The following GPHN variants were observed in gnomAD, a reference collection of about 807,000 sequenced individuals.
GPHN encodes the protein gephyrin.
GPHN carries 17 observed loss-of-function variants against 95.5 expected under a neutral mutation model. The observed-to-expected ratio is 0.18, with a 90% CI of 0.12 to 0.27. The LOEUF (loss-of-function observed/expected upper bound fraction) is 0.27, where lower values mean the gene tolerates loss of function less well. Among genes scored for constraint, GPHN ranks in the 10% least tolerant of loss-of-function variants. The pLI is 1.00. For missense variants in GPHN, 660 were observed against 978.1 expected (o/e 0.67, Z 4.34); for synonymous variants, 320 against 322.5 (o/e 0.99, Z 0.08).
At chr14:67,439,773 G>C in the GPHN span, among the ~76,000 whole-genome samples, 2 of 151,982 alleles carry the variant, frequency 1.3e-5, no homozygotes, top group Non-Finnish European at 2.9e-5. Context: ...GAGATTTTGA[G>C]GTTTTGTTCT....
At chr14:66,707,662 T>C (rs907631564) in intron 2 of GPHN, among the ~76,000 whole-genome samples, 1 of 152,156 alleles carries the variant, frequency 6.6e-6, no homozygotes, top group Non-Finnish European at 1.5e-5. Flanking sequence ...CCAGGGCCTG[T>C]TGGGCGGCGG....
At chr14:66,799,786 A>G (rs1268309464) in intron 3 of GPHN, among the ~76,000 whole-genome samples, 1 of 151,866 alleles carries the variant, frequency 6.6e-6, no homozygotes, top group East Asian at 1.9e-4. Flanking sequence ...TTTTTAATGG[A>G]AGCATTTAGT....
the GPHN span, among the ~76,000 whole-genome samples, chr14:67,709,689 A>T: frequency 6.6e-6 from 1 of 152,146 alleles, no homozygotes; most frequent in Admixed American, 6.6e-5. Context: ...GTTTATTTTG[A>T]TTGGCATCTT....
intron 4 of GPHN, among the ~76,000 whole-genome samples, chr14:66,836,383 T>A (rs1473554536): frequency 1.4e-5 from 2 of 144,958 alleles, no homozygotes; most frequent in African/African-American, 5.4e-5. Context: ...GAAAACTGGC[T>A]AGCCGTATGT....
At chr14:66,816,649 A>C (rs1254005412) in intron 3 of GPHN, among the ~76,000 whole-genome samples, 1 of 152,224 alleles carries the variant, frequency 6.6e-6, no homozygotes, top group African/African-American at 2.4e-5. Context: ...GACACAGATA[A>C]GGCAGTGTTA....
the GPHN span, chr14:67,381,462 A>T: frequency 4.3e-6 from 2 of 469,982 alleles, no homozygotes; most frequent in Non-Finnish European, 7.8e-6. Context: ...TAAATAAGGA[A>T]CTGCAGTATA....
chr14:67,326,478 G>C, the GPHN span, among the ~76,000 whole-genome samples: 3 of 151,764 alleles, frequency 2.0e-5, no homozygotes, highest in African/African-American at 7.3e-5. Context: ...CTTTTACTTT[G>C]CTGAAGTATA....
the GPHN span, among the ~76,000 whole-genome samples, chr14:67,393,465 G>GT: frequency 3.9e-5 from 6 of 152,012 alleles, no homozygotes; most frequent in Non-Finnish European, 8.8e-5. Context: ...TTTTTTGTTT[G>GT]TTTTTTGAGA....
At chr14:66,661,730 C>T (rs1055663754) in intron 1 of GPHN, among the ~76,000 whole-genome samples, 1 of 151,848 alleles carries the variant, frequency 6.6e-6, no homozygotes, top group Admixed American at 6.6e-5. Context: ...CACTTGTATT[C>T]TCTGGTTCAC....
chr14:67,132,768 A>G (rs2079801119), intron 17 of GPHN, among the ~76,000 whole-genome samples: 1 of 151,974 alleles, frequency 6.6e-6, no homozygotes, highest in African/African-American at 2.4e-5. Flanking sequence ...CATAAAAAGT[A>G]ATGTCTTCCA....
chr14:67,598,784 A>G, the GPHN span, among the ~76,000 whole-genome samples: 1 of 148,220 alleles, frequency 6.7e-6, no homozygotes, highest in South Asian at 2.1e-4. Flanking sequence ...ATCTCGGCTC[A>G]CTGCTACCTC....
the GPHN span, among the ~76,000 whole-genome samples, chr14:67,437,762 T>C: frequency 3.3e-5 from 5 of 152,096 alleles, no homozygotes; most frequent in African/African-American, 1.2e-4. Flanking sequence ...GAATCCCAGA[T>C]TTCTAGCTTG....
At chr14:66,770,840 A>T (rs1324567634) in intron 2 of GPHN, among the ~76,000 whole-genome samples, 1 of 139,632 alleles carries the variant, frequency 7.2e-6, no homozygotes, top group East Asian at 2.1e-4. Context: ...TATTGTTCTT[A>T]ATCTATTACT....
chr14:67,220,974 T>C, the GPHN span, among the ~76,000 whole-genome samples: 1 of 152,222 alleles, frequency 6.6e-6, no homozygotes, highest in Non-Finnish European at 1.5e-5. Context: ...TCCTAAACTA[T>C]TTGTTTTATT....
intron 1 of GPHN, among the ~76,000 whole-genome samples, chr14:66,625,902 G>C (rs117573527): frequency 0.019 from 2,921 of 152,268 alleles, 44 homozygotes; most frequent in Middle Eastern, 0.034. Context: ...AATAGGACAG[G>C]CCTTATAACC....
intron 1 of GPHN, among the ~76,000 whole-genome samples, chr14:66,578,407 A>G (rs2060993249): frequency 6.6e-6 from 1 of 151,904 alleles, no homozygotes; most frequent in Admixed American, 6.6e-5. Flanking sequence ...ATTTAAAGAA[A>G]TAATGACAGA....
intron 1 of GPHN, among the ~76,000 whole-genome samples, chr14:66,516,800 A>AAT (rs2058264807): frequency 2.6e-5 from 4 of 152,184 alleles, no homozygotes; most frequent in Non-Finnish European, 5.9e-5. Flanking sequence ...TAATCTTTAA[A>AAT]GTCTAATTAA....
chr14:67,688,515 A>C, the GPHN span, among the ~76,000 whole-genome samples: 2 of 152,142 alleles, frequency 1.3e-5, no homozygotes, highest in African/African-American at 4.8e-5. Flanking sequence ...TGGTCATATG[A>C]AGGGAGAAGA....
the GPHN span, among the ~76,000 whole-genome samples, chr14:67,721,690 A>G: frequency 6.6e-6 from 1 of 151,776 alleles, no homozygotes; most frequent in Non-Finnish European, 1.5e-5. Flanking sequence ...AGCATATGCC[A>G]GTTTCGTTTT....
Sources: gnomAD v4.1 joint callset for allele counts (sites outside exome capture counted in the v4.1 genomes callset) on GRCh38, gnomAD v4.1.1 for gene constraint, MANE v1.5 for transcripts, NCBI Gene and HGNC (gene_info 2026-07-23, HGNC 2026-07-21) for gene names.